ABCC12: variants seen among roughly 807,000 people sequenced by gnomAD.
The protein encoded by ABCC12 is ATP binding cassette subfamily C member 12, also known as ATP-binding cassette sub-family C member 12.
ABCC12 carries 142 observed loss-of-function variants against 151.1 expected under a neutral mutation model. That is an observed-to-expected ratio of 0.94 (90% CI 0.82 to 1.08). The LOEUF (loss-of-function observed/expected upper bound fraction) is 1.08. Among genes scored for constraint, ABCC12 ranks in the 50% least tolerant of loss-of-function variants. The pLI, the probability that ABCC12 is intolerant of heterozygous loss-of-function variation, is 0.00. For missense variants in ABCC12, 1,638 were observed against 1,691.1 expected (o/e 0.97, Z 0.55); for synonymous variants, 645 against 646.4 (o/e 1.00, Z 0.03).
At chr16:48,083,878 G>A (rs1407078638) in intron 30 of ABCC12, 31 bp downstream of exon 30, 6 of 1,612,474 alleles carry the variant, frequency 3.7e-6, no homozygotes, top group Non-Finnish European at 5.1e-6. Context: ...TGGACTTTCT[G>A]GGGAGGTGAA....
Position 48,086,788 on chromosome 16 carries a change from C to G in ABCC12, c.3667G>C (p.Asp1223His). ...TCCAGAACCTGCCAGAGCATCTCAT[C>G]GGTGTGACTCTCAAAGGGATCCAAG... ...YNLDPFESHT[D>H]EMLWQVLERT... Residue 1223 changes from aspartate to histidine, a missense_variant, in exon 28 of 31, where the codon GAT (aspartate) becomes CAT (histidine). Transcript: ENST00000311303. The G allele has an allele frequency of 6.2e-7, 1 of 1,613,964 alleles. No individual in the cohort carries two copies. The highest frequency in any genetic ancestry group is 1.1e-5 in the South Asian group (1 of 91,062).
intron 1 of ABCC12, among the ~76,000 whole-genome samples, chr16:48,154,319 A>T (rs1056410406): frequency 2.6e-5 from 4 of 152,204 alleles, no homozygotes; most frequent in Admixed American, 2.0e-4. Context: ...TGCATAGTTT[A>T]AACATTTTTT....
At chr16:48,124,115 C>T in intron 12 of ABCC12, 98 bp downstream of exon 12, 1 of 1,282,902 alleles carries the variant, frequency 7.8e-7, no homozygotes, top group Non-Finnish European at 1.1e-6. Context: ...GTGTCCAGTG[C>T]AGCCGAGGCC....
In ABCC12 at chr16:48,115,443, G is replaced by A; in HGVS notation, c.1961C>T (p.Thr654Ile). The change falls in exon 15 of 31, where the codon ACA becomes ATA. Residue 654 changes from threonine (T) to isoleucine (I), a missense_variant. Physicochemically the swap from Thr to Ile is moderately conservative, Grantham distance 89. Transcript: ENST00000311303. Reference sequence around the variant, plus strand: ...TAGCTGGTGGGTCACCAGGACGACTGTCTTTCCCCTGAGCGTCTTCTTAAT... The same window carrying A: ...TAGCTGGTGGGTCACCAGGACGACTATCTTTCCCCTGAGCGTCTTCTTAAT... ...ECIKKTLRGK[T>I]VVLVTHQLQF... 6.2e-7 allele frequency: 1 copy of A among 1,614,050 alleles called. No homozygotes were observed. Among genetic ancestry groups the A allele is most frequent in the Non-Finnish European group, 8.5e-7 (1 of 1,179,932 alleles).
At chr16:48,091,377 C>T (rs912454192) in intron 24 of ABCC12, 168 bp from the exon 25 acceptor site, 1 of 632,236 alleles carries the variant, frequency 1.6e-6, no homozygotes, top group African/African-American at 1.8e-5. Context: ...TAAAGATATT[C>T]CTGTTCGGGT....
In ABCC12 at chr16:48,122,653, C is replaced by T. The variant is rs541046635; in HGVS notation, c.1588-813G>A. 8.3e-4 allele frequency among the ~76,000 whole-genome samples: 126 copies of T among 152,164 alleles called. 1 individual carries two copies. The highest frequency in any genetic ancestry group is 2.9e-3 in the African/African-American group (120 of 41,512). ...GGGCAAAGAAGGAGAGTCACCAAGG[C>T]GGCCGAAGGATGTGATGCCACTTCA... On this transcript the variant is annotated intron_variant, in intron 12 of 30. Transcript: ENST00000311303.
At chr16:48,086,935 C>T (rs1002342295) in intron 27 of ABCC12, 116 bp from the exon 28 acceptor site, 11 of 855,854 alleles carry the variant, frequency 1.3e-5, no homozygotes, top group South Asian at 5.5e-5. Context: ...GTGATGACCT[C>T]GTGCTCCAAG....
At position 48,091,147 on chromosome 16, in the gene ABCC12, G is replaced by A. The variant is rs771709822; in HGVS notation, c.3258C>T (p.Ser1086=). The change falls in exon 25 of 31, where the codon TCC becomes TCT. Residue 1086 remains serine (S), a synonymous_variant. Coordinates refer to ENST00000311303, the MANE Select transcript of ABCC12 (RefSeq NM_001393797.1). ...AAATGTATTCCCTGAGCAGCTCCACGGAGGTGAATTTGGCTTGCGTCTCTG... is the reference window on the plus strand; with the variant it reads ...AAATGTATTCCCTGAGCAGCTCCACAGAGGTGAATTTGGCTTGCGTCTCTG... The part of the protein sequence containing the change: ...TGTETQAKFT[S]VELLREYIST... 4 of 1,614,214 alleles carry A rather than the reference G, an allele frequency of 2.5e-6. No individual in the cohort carries two copies. Among genetic ancestry groups the A allele is most frequent in the Admixed American group, 1.7e-5 (1 of 60,034 alleles).
intron 10 of ABCC12, among the ~76,000 whole-genome samples, chr16:48,130,149 C>T (rs578134400): frequency 1.3e-5 from 2 of 152,286 alleles, no homozygotes; most frequent in South Asian, 2.1e-4. Flanking sequence ...GACACAAATG[C>T]CCTTCTTCCC....
intron 15 of ABCC12, 114 bp downstream of exon 15, chr16:48,115,301 C>T: frequency 8.0e-7 from 1 of 1,253,904 alleles, no homozygotes; most frequent in Non-Finnish European, 1.1e-6. Flanking sequence ...CTGGCTCCCT[C>T]CCCACATTCC....
intron 10 of ABCC12, among the ~76,000 whole-genome samples, chr16:48,129,013 AG>A (rs1964334125): frequency 6.6e-6 from 1 of 152,204 alleles, no homozygotes; most frequent in Non-Finnish European, 1.5e-5. Flanking sequence ...CTTGTGCCCA[AG>A]ACAGTCGGTC....
Position 48,105,139 on chromosome 16 carries a change from C to T in ABCC12, c.2673G>A (p.Lys891=), listed in dbSNP as rs1324552565. 1.2e-6 allele frequency: 2 copies of T among 1,614,130 alleles called. No homozygotes were observed. Among genetic ancestry groups the T allele is most frequent in the East Asian group, 2.2e-5 (1 of 44,872 alleles). The part of the protein sequence containing the change: ...SSSLHDTVFD[K]ILKSPMSFFD... ...ACACCTGCAATGCTTGTGGCCCTAC[C>T]TTATCAAACACCGTGTCATGCAGAG... The change falls in exon 21 of 31, where the codon AAG becomes AAA. Residue 891 remains lysine (K), a splice_region_variant and synonymous_variant. Coordinates refer to ENST00000311303, the MANE Select transcript of ABCC12 (RefSeq NM_001393797.1).
intron 1 of ABCC12, among the ~76,000 whole-genome samples, chr16:48,155,376 T>C (rs1206591771): frequency 1.6e-5 from 2 of 125,146 alleles, no homozygotes; most frequent in Non-Finnish European, 3.5e-5. Context: ...ATTTAAAAGT[T>C]AAAAAAAAAA....
chr16:48,130,965 T>C, intron 9 of ABCC12, 70 bp from the exon 10 acceptor site: 4 of 1,076,680 alleles, frequency 3.7e-6, no homozygotes, highest in Non-Finnish European at 5.6e-6. Context: ...GTTATACACA[T>C]GGGGTTTAAA....
In ABCC12 at chr16:48,084,004, T is replaced by G; in HGVS notation, c.3898A>C (p.Lys1300Gln). 1 of 1,612,934 alleles carries G rather than the reference T, an allele frequency of 6.2e-7. No homozygotes were observed. The highest frequency in any genetic ancestry group is 8.5e-7 in the Non-Finnish European group (1 of 1,179,764). The change falls in exon 30 of 31, where the codon AAA becomes CAA. Residue 1300 changes from lysine to glutamine, a missense_variant. By Grantham distance (53) the Lys-to-Gln change is moderately conservative. Coordinates refer to ENST00000311303, the MANE Select transcript of ABCC12 (RefSeq NM_001393797.1). ...KTDTLVQNTI[K>Q]DAFKGCTVLT... is the part of the protein sequence containing the mutation. ...ACAGTGCAGCCCTTGAAGGCATCTT[T>G]GATGGTGTTCTGAACCAGGGTGTCA...
At chr16:48,119,236 T>A (rs1963988749) in intron 13 of ABCC12, among the ~76,000 whole-genome samples, 1 of 152,252 alleles carries the variant, frequency 6.6e-6, no homozygotes, top group Admixed American at 6.5e-5. Flanking sequence ...TGATCTCTGC[T>A]GCCTTGGAAC....
At chr16:48,135,049 CA>C (rs1236934094) in intron 8 of ABCC12, among the ~76,000 whole-genome samples, 5,322 of 77,906 alleles carry the variant, frequency 0.068, 108 homozygotes, top group Non-Finnish European at 0.081. Context: ...GACTCTGTCT[CA>C]AAAAAAAAAA....
chr16:48,147,930 G>A (rs1244687831), intron 2 of ABCC12, among the ~76,000 whole-genome samples: 1 of 151,228 alleles, frequency 6.6e-6, no homozygotes, highest in East Asian at 1.9e-4. Context: ...CATTGTTAAT[G>A]AATTTAAAGT....
intron 18 of ABCC12, among the ~76,000 whole-genome samples, chr16:48,110,181 T>C (rs2150615558): frequency 6.6e-6 from 1 of 152,318 alleles, no homozygotes; most frequent in East Asian, 1.9e-4. Context: ...GTGCGTGCAT[T>C]TGTCACAAGC....
Sources: allele counts gnomAD v4.1 joint callset (sites outside exome capture counted in the v4.1 genomes callset), GRCh38; gene constraint gnomAD v4.1.1; transcripts MANE v1.5; gene names NCBI Gene and HGNC (gene_info 2026-07-23, HGNC 2026-07-21).